Variants in RNGTT observed in about 807,000 individuals in gnomAD.
The protein encoded by RNGTT is RNA guanylyltransferase and 5'-phosphatase.
A neutral mutation model predicts 79.3 loss-of-function variants in RNGTT; 33 were observed. The ratio of observed to expected loss-of-function variants is 0.42; its 90% CI spans 0.32 to 0.56. The LOEUF (loss-of-function observed/expected upper bound fraction) is 0.56. RNGTT is among the 20% of genes least tolerant of loss of function. RNGTT has a pLI of 0.17. For missense variants in RNGTT, 497 were observed against 739.1 expected (o/e 0.67, Z 3.80); for synonymous variants, 222 against 235.9 (o/e 0.94, Z 0.54).
At chr6:88,690,349 T>C (rs1562196749) in intron 13 of RNGTT, among the ~76,000 whole-genome samples, 2 of 152,090 alleles carry the variant, frequency 1.3e-5, no homozygotes, top group South Asian at 4.1e-4. Context: ...GTGAAAGATA[T>C]ACAGGAATAC....
At chr6:88,839,302 G>GTCTCATGCC (rs917044015) in intron 11 of RNGTT, among the ~76,000 whole-genome samples, 2 of 152,166 alleles carry the variant, frequency 1.3e-5, no homozygotes, top group African/African-American at 4.8e-5. Flanking sequence ...TGGTCATGGT[G>GTCTCATGCC]TCTCATGCCT....
chr6:88,881,701 C>G (rs994809984), intron 8 of RNGTT, among the ~76,000 whole-genome samples: 6 of 152,178 alleles, frequency 3.9e-5, no homozygotes, highest in Admixed American at 1.3e-4. Flanking sequence ...TTCACTAACT[C>G]TTAATAATGT....
At chr6:88,690,445 AC>A (rs567866834) in intron 13 of RNGTT, among the ~76,000 whole-genome samples, 16 of 152,098 alleles carry the variant, frequency 1.1e-4, no homozygotes, top group Non-Finnish European at 1.9e-4. Flanking sequence ...AGTGGCTCAC[AC>A]CTATAATCCT....
At chr6:88,634,833 T>C (rs2127770814) in intron 14 of RNGTT, among the ~76,000 whole-genome samples, 1 of 152,214 alleles carries the variant, frequency 6.6e-6, no homozygotes, top group Non-Finnish European at 1.5e-5. Context: ...AATGGAAATG[T>C]TGTAATCAAT....
intron 14 of RNGTT, among the ~76,000 whole-genome samples, chr6:88,670,499 G>A (rs747907981): frequency 6.6e-6 from 1 of 152,120 alleles, no homozygotes; most frequent in East Asian, 1.9e-4. Context: ...TAAAAGGGGG[G>A]AATAAGGAAG....
intron 13 of RNGTT, among the ~76,000 whole-genome samples, chr6:88,684,653 C>T (rs1775209745): frequency 6.6e-6 from 1 of 151,538 alleles, no homozygotes; most frequent in African/African-American, 2.4e-5. Flanking sequence ...ATATGATATT[C>T]TGAGAAAGGC....
intron 8 of RNGTT, among the ~76,000 whole-genome samples, chr6:88,873,969 G>T (rs1413901657): frequency 2.0e-5 from 3 of 152,134 alleles, no homozygotes; most frequent in Middle Eastern, 3.2e-3. Context: ...TCGTAGCACA[G>T]ATCAGGTAAT....
chr6:88,692,452 G>GC (rs1484945070), intron 13 of RNGTT, among the ~76,000 whole-genome samples: 3 of 147,160 alleles, frequency 2.0e-5, no homozygotes, highest in African/African-American at 7.5e-5. Context: ...ATAATACTCA[G>GC]CAAAAAAAAA....
chr6:88,799,100 G>C (rs542492504), intron 12 of RNGTT, among the ~76,000 whole-genome samples: 1 of 151,082 alleles, frequency 6.6e-6, no homozygotes, highest in South Asian at 2.1e-4. Context: ...CAAATATTTA[G>C]AAGTTACCAT....
At chr6:88,752,972 A>C (rs778430495) in intron 13 of RNGTT, among the ~76,000 whole-genome samples, 23 of 152,146 alleles carry the variant, frequency 1.5e-4, no homozygotes, top group Non-Finnish European at 3.1e-4. Context: ...CTAAAAGCAA[A>C]AAATGTCTTT....
intron 13 of RNGTT, among the ~76,000 whole-genome samples, chr6:88,738,841 C>T (rs1983683): frequency 0.15 from 19,864 of 130,942 alleles, 1,439 homozygotes; most frequent in Middle Eastern, 0.25. Context: ...AAATAAAATA[C>T]ACACACACAC....
Position 88,655,256 on chromosome 6 carries a change from TA to T in RNGTT, c.1506+23096del, listed in dbSNP as rs572680591. Among the ~76,000 whole-genome samples the T allele has an allele frequency of 4.4e-3, 665 of 152,330 alleles. 5 individuals are homozygous for T. Among genetic ancestry groups the T allele is most frequent in the African/African-American group, 0.014 (600 of 41,578 alleles). On this transcript the variant is annotated intron_variant, in intron 14 of 15. Coordinates refer to ENST00000369485, the MANE Select transcript of RNGTT (RefSeq NM_003800.5). Reference sequence around the variant, plus strand: ...CTAAATATTAACATTTACTTGTTAATAATCTTAAAAATATTTTTAACATATC... The same window carrying T: ...CTAAATATTAACATTTACTTGTTAATATCTTAAAAATATTTTTAACATATC...
At chr6:88,789,969 A>T (rs1000632443) in intron 12 of RNGTT, among the ~76,000 whole-genome samples, 1 of 152,244 alleles carries the variant, frequency 6.6e-6, no homozygotes, top group East Asian at 1.9e-4. Flanking sequence ...ATTTTAGGAT[A>T]AATGGTAGAC....
chr6:88,736,380 G>A (rs1344175808), intron 13 of RNGTT, among the ~76,000 whole-genome samples: 2 of 152,220 alleles, frequency 1.3e-5, no homozygotes, highest in East Asian at 1.9e-4. Flanking sequence ...AACTACAGAT[G>A]AGTGTCTCTC....
chr6:88,817,521 G>A (rs1440109862), intron 11 of RNGTT, among the ~76,000 whole-genome samples: 1 of 149,438 alleles, frequency 6.7e-6, no homozygotes, highest in Admixed American at 6.7e-5. Flanking sequence ...AAAAAGTGGG[G>A]GGAGGTGTAG....
intron 11 of RNGTT, among the ~76,000 whole-genome samples, chr6:88,829,288 G>A (rs990320362): frequency 6.6e-5 from 10 of 152,212 alleles, no homozygotes; most frequent in South Asian, 2.1e-4. Flanking sequence ...CTTCATAAGC[G>A]AAGGAGAAAT....
At chr6:88,619,671 T>A (rs1772370285) in intron 14 of RNGTT, among the ~76,000 whole-genome samples, 1 of 152,224 alleles carries the variant, frequency 6.6e-6, no homozygotes, top group African/African-American at 2.4e-5. Context: ...TAAACTAAAT[T>A]GACCATTTTT....
chr6:88,681,151 T>C (rs1253761105), intron 13 of RNGTT, among the ~76,000 whole-genome samples: 1 of 152,158 alleles, frequency 6.6e-6, no homozygotes, highest in African/African-American at 2.4e-5. Context: ...GCAGGAACAG[T>C]CACTGTTCAT....
Position 88,716,295 on chromosome 6 carries a change from A to G in RNGTT, c.1440-37876T>C, listed in dbSNP as rs535439290. Among the ~76,000 whole-genome samples, 681 of 152,022 alleles carry G rather than the reference A, an allele frequency of 4.5e-3. 2 individuals carry two copies. Among genetic ancestry groups the G allele is most frequent in the African/African-American group, 0.016 (645 of 41,394 alleles). ...CCATCTCACACCAGTTAGAATGGCA[A>G]TCATTAAAAAGTCAGGAAACAACAG... On this transcript the variant is annotated intron_variant, in intron 13 of 15. Transcript: ENST00000369485.
Sources: gnomAD v4.1 joint callset for allele counts (sites outside exome capture counted in the v4.1 genomes callset) on GRCh38, gnomAD v4.1.1 for gene constraint, MANE v1.5 for transcripts, NCBI Gene and HGNC (gene_info 2026-07-23, HGNC 2026-07-21) for gene names.